SLC9A9: variants seen among roughly 807,000 people sequenced by gnomAD.
SLC9A9 encodes the protein sodium/hydrogen exchanger 9.
Under a neutral mutation model 77.8 loss-of-function variants are expected in SLC9A9, and 62 were observed. The observed-to-expected ratio is 0.80, with a 90% CI of 0.65 to 0.98. SLC9A9 has a LOEUF of 0.98. Ranked by LOEUF, SLC9A9 falls within the 50% of genes least tolerant of loss-of-function variation. SLC9A9 has a pLI of 0.00. For synonymous variants in SLC9A9, 320 were observed against 283.5 expected (o/e 1.13, Z -1.29); for missense variants, 775 against 774.9 (o/e 1.00, Z 0.00).
At chr3:143,599,602 T>G (rs1047781474) in intron 6 of SLC9A9, among the ~76,000 whole-genome samples, 2 of 152,110 alleles carry the variant, frequency 1.3e-5, no homozygotes, top group Non-Finnish European at 2.9e-5. Flanking sequence ...CAAAATATCA[T>G]TTCTCTCCTT....
intron 5 of SLC9A9, among the ~76,000 whole-genome samples, chr3:143,659,620 C>T (rs1170857728): frequency 1.3e-5 from 2 of 152,020 alleles, no homozygotes; most frequent in Non-Finnish European, 2.9e-5. Context: ...GTGTGAGATA[C>T]AGGGAAGAAA....
In SLC9A9 at chr3:143,652,810, C is replaced by CACACACACACACACACACACAT. The variant is rs113827008; in HGVS notation, c.650-451_650-450insATGTGTGTGTGTGTGTGTGTGT. On this transcript the variant is annotated intron_variant, in intron 5 of 15. Coordinates refer to ENST00000316549, the MANE Select transcript of SLC9A9 (RefSeq NM_173653.4). ...ACACACACACACACACACACACACA[C>CACACACACACACACACACACAT]ACTTCTTGCTACCAAGGACTCATTT... Among the ~76,000 whole-genome samples the CACACACACACACACACACACAT allele has an allele frequency of 5.0e-3, 747 of 148,240 alleles. 19 individuals are homozygous for CACACACACACACACACACACAT. Among genetic ancestry groups the CACACACACACACACACACACAT allele is most frequent in the East Asian group, 0.029 (146 of 4,964 alleles).
intron 6 of SLC9A9, among the ~76,000 whole-genome samples, chr3:143,610,597 G>A (rs913787710): frequency 2.0e-5 from 3 of 152,112 alleles, no homozygotes; most frequent in Admixed American, 6.6e-5. Context: ...AAACCAAAAA[G>A]GTTCTGGACT....
At position 143,808,182 on chromosome 3, in the gene SLC9A9, G is replaced by C. The variant is rs78639868; in HGVS notation, c.379-11279C>G. Among the ~76,000 whole-genome samples the C allele has an allele frequency of 4.6e-3, 700 of 152,292 alleles. 4 individuals carry two copies. Among genetic ancestry groups the C allele is most frequent in the African/African-American group, 0.016 (674 of 41,562 alleles). On this transcript the variant is annotated intron_variant, in intron 2 of 15. Coordinates refer to ENST00000316549, the MANE Select transcript of SLC9A9 (RefSeq NM_173653.4). ...GCTAAATCATAGCTGCTCATCAAAC[G>C]TTGGTTTCCTCTCACTAGCACATAT...
intron 12 of SLC9A9, among the ~76,000 whole-genome samples, chr3:143,447,985 T>A: frequency 6.6e-6 from 1 of 152,140 alleles, no homozygotes; most frequent in East Asian, 1.9e-4. Flanking sequence ...ATTTGCTGAA[T>A]AAATGTGAAT....
At chr3:143,403,298 C>T (rs1330196973) in intron 12 of SLC9A9, among the ~76,000 whole-genome samples, 1 of 152,102 alleles carries the variant, frequency 6.6e-6, no homozygotes. Flanking sequence ...CCTTTCCTCA[C>T]TCCTCATTTG....
At chr3:143,757,384 A>G (rs531337544) in intron 4 of SLC9A9, among the ~76,000 whole-genome samples, 2 of 152,238 alleles carry the variant, frequency 1.3e-5, no homozygotes, top group East Asian at 3.9e-4. Flanking sequence ...TTTATAAAAC[A>G]TGCTTCAGGC....
chr3:143,483,009 C>A (rs925850844), intron 11 of SLC9A9, among the ~76,000 whole-genome samples: 1 of 152,138 alleles, frequency 6.6e-6, no homozygotes, highest in South Asian at 2.1e-4. Context: ...GACCTCCTGG[C>A]CTTGAATTTA....
chr3:143,399,097 G>C (rs185865935), intron 12 of SLC9A9, among the ~76,000 whole-genome samples: 1 of 151,864 alleles, frequency 6.6e-6, no homozygotes, highest in Admixed American at 6.6e-5. Context: ...TTCTTCCCTA[G>C]TCTCAGAAGA....
At chr3:143,604,810 C>G (rs2037896162) in intron 6 of SLC9A9, among the ~76,000 whole-genome samples, 1 of 152,146 alleles carries the variant, frequency 6.6e-6, no homozygotes, top group South Asian at 2.1e-4. Flanking sequence ...TACTCCCACT[C>G]AGCTGTGATA....
At chr3:143,577,324 C>T (rs1168205044) in intron 7 of SLC9A9, among the ~76,000 whole-genome samples, 4 of 152,188 alleles carry the variant, frequency 2.6e-5, no homozygotes, top group African/African-American at 9.6e-5. Context: ...CCACATTGGT[C>T]CCACTGCCAT....
chr3:143,592,091 G>C (rs930092121), intron 6 of SLC9A9, among the ~76,000 whole-genome samples: 62 of 152,174 alleles, frequency 4.1e-4, no homozygotes, highest in Admixed American at 3.8e-3. Flanking sequence ...CCCCCCAAAA[G>C]GTTAAAAACC....
At chr3:143,337,122 TATA>T (rs953706969) in intron 14 of SLC9A9, among the ~76,000 whole-genome samples, 16 of 152,112 alleles carry the variant, frequency 1.1e-4, no homozygotes, top group Non-Finnish European at 1.9e-4. Context: ...GAGAGAATAT[TATA>T]ATTTTATTAA....
At chr3:143,320,289 G>A (rs1018986779) in intron 14 of SLC9A9, among the ~76,000 whole-genome samples, 4 of 152,210 alleles carry the variant, frequency 2.6e-5, no homozygotes, top group Non-Finnish European at 5.9e-5. Context: ...CCTGTCATCT[G>A]TACACTACTG....
intron 5 of SLC9A9, among the ~76,000 whole-genome samples, chr3:143,666,353 G>A (rs57630925): frequency 6.6e-6 from 1 of 151,958 alleles, no homozygotes; most frequent in Admixed American, 6.6e-5. Context: ...TAAGAGCTAT[G>A]TATGACAAAC....
chr3:143,683,479 G>A (rs537788233), intron 5 of SLC9A9, among the ~76,000 whole-genome samples: 45 of 152,194 alleles, frequency 3.0e-4, no homozygotes, highest in African/African-American at 1.0e-3. Flanking sequence ...AAAGGAGAAC[G>A]CAGAGAAGAG....
chr3:143,374,455 A>T (rs967703213), intron 13 of SLC9A9, among the ~76,000 whole-genome samples: 3 of 149,794 alleles, frequency 2.0e-5, no homozygotes, highest in Non-Finnish European at 4.4e-5. Context: ...AAGAAAAAAC[A>T]TGGAGGCCAG....
At chr3:143,350,116 C>G (rs111544803) in intron 14 of SLC9A9, among the ~76,000 whole-genome samples, 1 of 152,156 alleles carries the variant, frequency 6.6e-6, no homozygotes, top group Non-Finnish European at 1.5e-5. Flanking sequence ...CATAAGCAGA[C>G]TTCTAGTCAT....
At chr3:143,306,406 A>AATCT (rs1279770398) in intron 14 of SLC9A9, among the ~76,000 whole-genome samples, 2 of 152,240 alleles carry the variant, frequency 1.3e-5, no homozygotes, top group Non-Finnish European at 2.9e-5. Flanking sequence ...GTAACATTTG[A>AATCT]ATCTATCCTC....
Sources: gnomAD v4.1 joint callset for allele counts (sites outside exome capture counted in the v4.1 genomes callset) on GRCh38, gnomAD v4.1.1 for gene constraint, MANE v1.5 for transcripts, NCBI Gene and HGNC (gene_info 2026-07-23, HGNC 2026-07-21) for gene names.